RAPGEF3: variants seen among roughly 807,000 people sequenced by gnomAD.
The protein encoded by RAPGEF3 is Rap guanine nucleotide exchange factor 3.
Under a neutral mutation model 129.8 loss-of-function variants are expected in RAPGEF3, and 103 were observed. That is an observed-to-expected ratio of 0.79 (90% CI 0.68 to 0.93). The LOEUF (loss-of-function observed/expected upper bound fraction) is 0.93. RAPGEF3 is among the 40% of genes least tolerant of loss of function. The probability of loss-of-function intolerance (pLI) is 0.00; values close to 1 mark genes in which losing one functional copy is unlikely to be tolerated. For missense variants in RAPGEF3, 1,117 were observed against 1,207.4 expected (o/e 0.93, Z 1.11); for synonymous variants, 436 against 482.6 (o/e 0.90, Z 1.26).
At position 47,743,575 on chromosome 12, in the gene RAPGEF3, C is replaced by T. The variant is rs764514380; in HGVS notation, c.1780G>A (p.Gly594Ser). ...EVMAALAQED[G>S]WTKGQVLVKV... Reference sequence around the variant, plus strand: ...ACCAGCACCTGCCCCTTGGTCCAGCCATCCTCCTGGGCCAACGCTGCCATC... The same window carrying T: ...ACCAGCACCTGCCCCTTGGTCCAGCTATCCTCCTGGGCCAACGCTGCCATC... Residue 594 changes from glycine (G) to serine (S), a missense_variant, in exon 18 of 28, where the codon GGC becomes AGC. Coordinates refer to ENST00000449771, the MANE Select transcript of RAPGEF3 (RefSeq NM_001098531.4). 3.1e-6 allele frequency: 5 copies of T among 1,614,082 alleles called. No homozygotes were observed. Among genetic ancestry groups the T allele is most frequent in the Admixed American group, 1.7e-5 (1 of 60,008 alleles).
At position 47,757,895 on chromosome 12, in the gene RAPGEF3, G is replaced by A. The variant is rs1383540057; in HGVS notation, c.190C>T (p.Arg64Cys). 11 of 1,556,288 alleles carry A rather than the reference G, an allele frequency of 7.1e-6. No homozygotes were observed. Among genetic ancestry groups the A allele is most frequent in the African/African-American group, 1.4e-5 (1 of 73,572 alleles). ...CSYQLLLEHQ[R>C]PSCIQGLRWT... is the part of the protein sequence containing the mutation. The stretch of plus-strand genomic sequence containing the variant: ...CGCAGCCCCTGGATGCAGCTCGGAC[G>A]CTGGTGCTCCAGCAGCAGCTGGTAG... Residue 64 changes from arginine (R) to cysteine (C), a missense_variant, in exon 2 of 28, where the codon CGT (arginine) becomes TGT (cysteine). Coordinates refer to ENST00000449771, the MANE Select transcript of RAPGEF3 (RefSeq NM_001098531.4).
intron 23 of RAPGEF3, chr12:47,739,908 C>A: frequency 1.7e-6 from 1 of 595,558 alleles, no homozygotes; most frequent in South Asian, 1.9e-5. Flanking sequence ...CATGCACACA[C>A]TGAGGGCCAG....
At chr12:47,758,117 G>C in intron 1 of RAPGEF3, 39 bp from the exon 2 acceptor site, 1 of 1,535,530 alleles carries the variant, frequency 6.5e-7, no homozygotes, top group Non-Finnish European at 8.8e-7. Flanking sequence ...CATGGGACAC[G>C]ACTGGGGCGG....
rs1235604091 is a variant in RAPGEF3, at chr12:47,748,519, G to A, written c.1178C>T (p.Pro393Leu). Residue 393 changes from proline (P) to leucine (L), a missense_variant, in exon 12 of 28, where the codon CCA (proline) becomes CTA (leucine). By Grantham distance (98) the Pro-to-Leu change is moderately conservative. Around this residue, in one of 3 missense-constraint regions of RAPGEF3, gnomAD observed 107 missense variants for 160.7 expected, o/e 0.67. Coordinates refer to ENST00000449771, the MANE Select transcript of RAPGEF3 (RefSeq NM_001098531.4). ...CAACAGAAGCTCTAGGATCTTCTCTGGGGTGCCAGACATCACTGTATACCT... is the reference window on the plus strand; with the variant it reads ...CAACAGAAGCTCTAGGATCTTCTCTAGGGTGCCAGACATCACTGTATACCT... ...RNRYTVMSGT[P>L]EKILELLLEA... 6.2e-7 allele frequency: 1 copy of A among 1,613,782 alleles called. No individual in the cohort carries two copies. Among genetic ancestry groups the A allele is most frequent in the Non-Finnish European group, 8.5e-7 (1 of 1,179,920 alleles).
rs1318392407 is a variant in RAPGEF3 at position 47,751,166 on chromosome 12, G to C, written c.553C>G (p.Pro185Ala). 1 of 1,555,220 alleles carries C rather than the reference G, an allele frequency of 6.4e-7. No homozygotes were observed. The highest frequency in any genetic ancestry group is 2.0e-5 in the Admixed American group (1 of 51,200). ...QDRDAQFYRFPGPEPEPVRTH... is the reference protein window; with the variant it reads ...QDRDAQFYRFAGPEPEPVRTH... ...CTCACGGGCTCGGGCTCGGGCCCGG[G>C]GAACCGGTAGAATTGGGCATCTCGG... The change falls in exon 6 of 28, where the codon CCC becomes GCC. Residue 185 changes from proline (P) to alanine (A), a missense_variant. Physicochemically the swap from Pro to Ala is conservative, Grantham distance 27. This residue lies in a region of RAPGEF3 where 367 missense variants were observed against 373.4 expected (regional missense o/e 0.98). Transcript: ENST00000449771.
intron 1 of RAPGEF3, 59 bp from the exon 2 acceptor site, chr12:47,758,137 A>G (rs1434491188): frequency 4.5e-5 from 68 of 1,520,688 alleles, no homozygotes; most frequent in Non-Finnish European, 5.9e-5. Context: ...GCTGGGCCAC[A>G]GTACAACTGC....
rs1365570727 is a variant in RAPGEF3 at position 47,740,918 on chromosome 12, G to A, written c.2046C>T (p.His682=). Residue 682 remains histidine, a synonymous_variant, in exon 20 of 28, where the codon CAC becomes CAT. Transcript: ENST00000449771. ...CCCCCAGCTCTGCCTCCCATACCTG[G>A]TGGATACTGTTGAAGAGGCTCCAGT... ...DHDWSLFNSI[H]QVELIHYVLG... 5.0e-6 allele frequency: 8 copies of A among 1,613,924 alleles called. No homozygotes were observed. Among genetic ancestry groups the A allele is most frequent in the African/African-American group, 2.7e-5 (2 of 74,940 alleles).
Position 47,737,597 on chromosome 12 carries a change from G to A in RAPGEF3, c.2742C>T (p.Leu914=). The A allele has an allele frequency of 6.2e-7, 1 of 1,603,734 alleles. No homozygotes were observed. The change falls in exon 28 of 28, where the codon CTC becomes CTT. Residue 914 remains leucine (L), a synonymous_variant. Coordinates refer to ENST00000449771, the MANE Select transcript of RAPGEF3 (RefSeq NM_001098531.4). The part of the protein sequence containing the change: ...QLKVIDNQRE[L]SRLSRELEP ...GCTCCAGCTCTCGGGAGAGGCGGGA[G>A]AGTTCCCGCTGGTTGTCAATGACCT...
intron 18 of RAPGEF3, 192 bp from the exon 19 acceptor site, chr12:47,741,794 C>A: frequency 1.7e-6 from 1 of 597,304 alleles, no homozygotes; most frequent in Non-Finnish European, 3.0e-6. Flanking sequence ...GGAAGCACAT[C>A]CAAGAGGATG....
At chr12:47,756,737 G>A (rs1311569183) in intron 2 of RAPGEF3, among the ~76,000 whole-genome samples, 2 of 152,120 alleles carry the variant, frequency 1.3e-5, no homozygotes, top group Non-Finnish European at 2.9e-5. Context: ...TTGGGAGGGC[G>A]AGGTGGGCAG....
At position 47,741,489 on chromosome 12, in the gene RAPGEF3, C is replaced by T; in HGVS notation, c.1923+16G>A. The T allele has an allele frequency of 1.2e-6, 2 of 1,608,870 alleles. No homozygotes were observed. Among genetic ancestry groups the T allele is most frequent in the Non-Finnish European group, 1.7e-6 (2 of 1,175,298 alleles). On this transcript the variant is annotated intron_variant, in intron 19 of 27. Coordinates refer to ENST00000449771, the MANE Select transcript of RAPGEF3 (RefSeq NM_001098531.4). ...AGATCTCCTCCCTGGGCCCTGGCAC[C>T]CTGCCTGGTCCCTACCAGCTCATGC...
At chr12:47,752,562 G>A (rs1262778488) in intron 2 of RAPGEF3, 1 of 156,808 alleles carries the variant, frequency 6.4e-6, no homozygotes, top group Non-Finnish European at 1.4e-5. Context: ...TGGCAGATGT[G>A]ACCTGAAACA....
chr12:47,744,112 G>A (rs1237458746), intron 16 of RAPGEF3, 44 bp from the exon 17 acceptor site: 1 of 1,493,324 alleles, frequency 6.7e-7, no homozygotes, highest in African/African-American at 1.4e-5. Flanking sequence ...GAGGACATGA[G>A]AGGAGACCGT....
rs1261667475 is a variant in RAPGEF3, at chr12:47,736,989, C to T, written c.*578G>A. On this transcript the variant is annotated 3_prime_UTR_variant, in exon 28 of 28. Transcript: ENST00000449771. ...GGGGCCTCAGCCTCCCTGCCACGCC[C>T]ACTCTGGGCTGGCCTGGAACATACT... 1 of 152,826 alleles carries T rather than the reference C, an allele frequency of 6.5e-6. No individual in the cohort carries two copies. Among genetic ancestry groups the T allele is most frequent in the African/African-American group, 2.4e-5 (1 of 41,478 alleles). The allele number at this position is 152,826 out of a possible 1,614,324, so 9.5% of individuals were successfully genotyped here.
intron 2 of RAPGEF3, chr12:47,753,972 T>A (rs1941907360): frequency 6.6e-6 from 1 of 152,212 alleles, no homozygotes; most frequent in African/African-American, 2.4e-5. Context: ...AAGGAATCCC[T>A]CTCATTTTGA....
At chr12:47,739,559 T>G in intron 23 of RAPGEF3, 2 of 512,386 alleles carry the variant, frequency 3.9e-6, no homozygotes, top group Non-Finnish European at 7.2e-6. Context: ...CTCCTTTGAA[T>G]CCCTTGAGCC....
At chr12:47,746,921 G>C in intron 15 of RAPGEF3, 22 bp from the exon 16 acceptor site, 1 of 1,602,736 alleles carries the variant, frequency 6.2e-7, no homozygotes, top group Non-Finnish European at 8.5e-7. Context: ...AGAGAAGGGA[G>C]GTGAGTGAGC....
intron 16 of RAPGEF3, chr12:47,744,446 A>T (rs1255708882): frequency 8.6e-6 from 2 of 233,450 alleles, no homozygotes; most frequent in East Asian, 2.4e-4. Flanking sequence ...AATATTCACA[A>T]TGCGCCTTTG....
rs1431761530 is a variant in RAPGEF3 at position 47,741,659 on chromosome 12, C to G, written c.1826-57G>C. The stretch of plus-strand genomic sequence containing the variant: ...GGAAGGGAGGGAGGCCGGGGACCAG[C>G]TGGATGCCAGGGTGGAGGTGCTGTT... On this transcript the variant is annotated intron_variant, in intron 18 of 27. Transcript: ENST00000449771. The G allele has an allele frequency of 4.9e-6, 7 of 1,438,108 alleles. No individual in the cohort carries two copies. The African/African-American group carries it at 9.8e-5, about 20-fold the overall frequency. The allele number at this position is 1,438,108 out of a possible 1,614,324, so 89.1% of individuals were successfully genotyped here.
Sources: gnomAD v4.1 joint callset for allele counts (sites outside exome capture counted in the v4.1 genomes callset) on GRCh38, gnomAD v4.1.1 for gene constraint, gnomAD v4.1.1 regional missense constraint, MANE v1.5 for transcripts, NCBI Gene and HGNC (gene_info 2026-07-23, HGNC 2026-07-21) for gene names.